The following INSYN2B variants were observed in gnomAD, a reference collection of about 807,000 sequenced individuals.
The protein encoded by INSYN2B is inhibitory synaptic factor family member 2B.
Under a neutral mutation model 41.2 loss-of-function variants are expected in INSYN2B, and 16 were observed. The observed-to-expected ratio is 0.39, with a 90% CI of 0.26 to 0.59. The LOEUF (loss-of-function observed/expected upper bound fraction) is 0.59. Ranked by LOEUF, INSYN2B falls within the 20% of genes least tolerant of loss-of-function variation. The pLI is 0.57. For missense variants in INSYN2B, 608 were observed against 646.4 expected (o/e 0.94, Z 0.64); for synonymous variants, 245 against 244.4 (o/e 1.00, Z -0.02).
intron 1 of INSYN2B, among the ~76,000 whole-genome samples, chr5:169,909,289 T>G (rs1430604596): frequency 6.6e-6 from 1 of 152,224 alleles, no homozygotes; most frequent in Non-Finnish European, 1.5e-5. Flanking sequence ...AATAGCCCAG[T>G]GTTGCTGGTG....
intron 1 of INSYN2B, among the ~76,000 whole-genome samples, chr5:169,971,387 G>A (rs2113764322): frequency 6.6e-6 from 1 of 151,402 alleles, no homozygotes; most frequent in African/African-American, 2.4e-5. Flanking sequence ...TGAGCCCTAG[G>A]AATGGACTTC....
intron 1 of INSYN2B, among the ~76,000 whole-genome samples, chr5:169,896,691 C>A (rs1217506462): frequency 6.6e-6 from 1 of 152,128 alleles, no homozygotes; most frequent in African/African-American, 2.4e-5. Context: ...TGAGAACCAG[C>A]AAAGATTTCT....
At chr5:169,901,249 A>C (rs1773907808) in intron 1 of INSYN2B, among the ~76,000 whole-genome samples, 1 of 152,144 alleles carries the variant, frequency 6.6e-6, no homozygotes, top group Admixed American at 6.5e-5. Context: ...CAAGAAAGGT[A>C]TTTGGCCTTT....
At chr5:169,928,276 G>A (rs970926405) in intron 1 of INSYN2B, among the ~76,000 whole-genome samples, 5 of 152,188 alleles carry the variant, frequency 3.3e-5, no homozygotes, top group Non-Finnish European at 5.9e-5. Flanking sequence ...GATGGCCCTC[G>A]GTGGGCCAGC....
At chr5:169,975,788 TC>T (rs1234148824) in intron 1 of INSYN2B, among the ~76,000 whole-genome samples, 1 of 152,236 alleles carries the variant, frequency 6.6e-6, no homozygotes, top group Non-Finnish European at 1.5e-5. Context: ...TTCCCTCTGT[TC>T]CTGGCTCTTC....
chr5:169,935,523 G>A (rs1168697297), intron 1 of INSYN2B, among the ~76,000 whole-genome samples: 1 of 152,186 alleles, frequency 6.6e-6, no homozygotes, highest in Non-Finnish European at 1.5e-5. Flanking sequence ...CAGCCATTCG[G>A]ATATCAGGTC....
In INSYN2B at chr5:169,978,388, TGTGTG is replaced by T. The variant is rs1369881168; in HGVS notation, c.-919+1884_-919+1888del. ...CTGGCTCTGTGTATGTGTGTGTGTGTGTGTGGGGGGGGGGGGGTGTAGGTGTGTTT... is the reference window on the plus strand; with the variant it reads ...CTGGCTCTGTGTATGTGTGTGTGTGTGGGGGGGGGGGGTGTAGGTGTGTTT... On this transcript the variant is annotated intron_variant, in intron 1 of 3. Transcript: ENST00000377365. Among the ~76,000 whole-genome samples, 95 of 15,588 alleles carry T rather than the reference TGTGTG, an allele frequency of 6.1e-3. 3 individuals are homozygous for T. Among genetic ancestry groups the T allele is most frequent in the African/African-American group, 0.013 (59 of 4,568 alleles). The allele number at this position is 15,588 out of a possible 152,430, so 10.2% of individuals were successfully genotyped here.
At chr5:169,933,250 G>A (rs1775839856) in intron 1 of INSYN2B, among the ~76,000 whole-genome samples, 1 of 152,228 alleles carries the variant, frequency 6.6e-6, no homozygotes, top group African/African-American at 2.4e-5. Context: ...TCCCCTACTT[G>A]GAGTGCATCA....
intron 1 of INSYN2B, among the ~76,000 whole-genome samples, chr5:169,885,461 G>A (rs1772918415): frequency 6.6e-6 from 1 of 152,216 alleles, no homozygotes; most frequent in Non-Finnish European, 1.5e-5. Flanking sequence ...AACAGGACCT[G>A]TGAACTCGTT....
chr5:169,930,464 T>C (rs1004504410), intron 1 of INSYN2B, among the ~76,000 whole-genome samples: 1 of 152,174 alleles, frequency 6.6e-6, no homozygotes, highest in African/African-American at 2.4e-5. Context: ...ACAATTTCCC[T>C]TCTCCTCTGA....
At position 169,923,299 on chromosome 5, in the gene INSYN2B, C is replaced by A. The variant is rs1211530031; in HGVS notation, c.-918-38483G>T. On this transcript the variant is annotated intron_variant, in intron 1 of 3. Coordinates refer to ENST00000377365, the MANE Select transcript of INSYN2B (RefSeq NM_001129891.3). ...TTATATGAATGGTTTTTACTTTTTT[C>A]TTTGTACTTTCATATATTTCCTAAA... is the stretch of plus-strand genomic sequence containing the variant. 2.0e-5 allele frequency among the ~76,000 whole-genome samples: 3 copies of A among 152,118 alleles called. No individual in the cohort carries two copies. The East Asian group carries it at 5.8e-4, about 29-fold the overall frequency.
chr5:169,871,551 A>C (rs1477854414), intron 3 of INSYN2B, among the ~76,000 whole-genome samples: 1 of 152,268 alleles, frequency 6.6e-6, no homozygotes, highest in African/African-American at 2.4e-5. Context: ...GAGAGGTTAA[A>C]TATTCTGCCA....
intron 1 of INSYN2B, among the ~76,000 whole-genome samples, chr5:169,904,590 ATT>A (rs1774163885): frequency 6.6e-6 from 1 of 152,022 alleles, no homozygotes; most frequent in Admixed American, 6.5e-5. Flanking sequence ...CCATCATCTC[ATT>A]CTCTCTCATT....
At chr5:169,949,091 T>C (rs1056368031) in intron 1 of INSYN2B, among the ~76,000 whole-genome samples, 19 of 152,244 alleles carry the variant, frequency 1.2e-4, no homozygotes, top group Non-Finnish European at 2.6e-4. Flanking sequence ...AGCATGTGGA[T>C]AAAAGTGTAT....
intron 1 of INSYN2B, among the ~76,000 whole-genome samples, chr5:169,940,036 G>A (rs1210932441): frequency 6.6e-6 from 1 of 152,174 alleles, no homozygotes; most frequent in Non-Finnish European, 1.5e-5. Flanking sequence ...CATTCCCCAG[G>A]GAGTTTTCTC....
At chr5:169,868,226 G>A (rs1176421451) in intron 3 of INSYN2B, among the ~76,000 whole-genome samples, 1 of 152,216 alleles carries the variant, frequency 6.6e-6, no homozygotes, top group Non-Finnish European at 1.5e-5. Flanking sequence ...TCCCCAGTGT[G>A]TTTGAGATAG....
intron 1 of INSYN2B, among the ~76,000 whole-genome samples, chr5:169,903,534 G>A (rs926187826): frequency 1.3e-5 from 2 of 151,600 alleles, no homozygotes; most frequent in African/African-American, 2.4e-5. Flanking sequence ...GGGGCCGGGG[G>A]GCAGGGGGCG....
At chr5:169,890,010 T>G (rs185252121) in intron 1 of INSYN2B, among the ~76,000 whole-genome samples, 1 of 152,298 alleles carries the variant, frequency 6.6e-6, no homozygotes, top group Admixed American at 6.5e-5. Flanking sequence ...CATTTTCAAA[T>G]CCCATGTAAT....
intron 1 of INSYN2B, among the ~76,000 whole-genome samples, chr5:169,969,349 G>A (rs1412923654): frequency 6.6e-6 from 1 of 152,100 alleles, no homozygotes; most frequent in Non-Finnish European, 1.5e-5. Flanking sequence ...GGAGGCTGAG[G>A]CAGGAGATTC....
Sources: allele counts gnomAD v4.1 joint callset (sites outside exome capture counted in the v4.1 genomes callset), GRCh38; gene constraint gnomAD v4.1.1; transcripts MANE v1.5; gene names NCBI Gene and HGNC (gene_info 2026-07-23, HGNC 2026-07-21).